The following CSMD2 variants were observed in gnomAD, a reference collection of about 807,000 sequenced individuals.
CSMD2 encodes the protein CUB and sushi domain-containing protein 2.
CSMD2 carries 130 observed loss-of-function variants against 398.5 expected under a neutral mutation model. That is an observed-to-expected ratio of 0.33 (90% CI 0.28 to 0.38). CSMD2 has a LOEUF of 0.38. Ranked by LOEUF, CSMD2 falls within the 10% of genes least tolerant of loss-of-function variation. CSMD2 has a pLI of 1.00. For synonymous variants in CSMD2, 1,828 were observed against 1,908.5 expected (o/e 0.96, Z 1.10); for missense variants, 3,829 against 4,764.9 (o/e 0.80, Z 5.78).
At chr1:34,162,218 C>A in intron 1 of CSMD2, among the ~76,000 whole-genome samples, 1 of 126,876 alleles carries the variant, frequency 7.9e-6, no homozygotes, top group Admixed American at 8.4e-5. Context: ...ATAGGGACAG[C>A]AGGTAATTGG....
At chr1:33,716,573 T>C in intron 19 of CSMD2, 72 bp from the exon 20 acceptor site, 1 of 1,071,680 alleles carries the variant, frequency 9.3e-7, no homozygotes, top group South Asian at 1.4e-5. Context: ...AGACAGGATC[T>C]ACACAAACAT....
intron 8 of CSMD2, 22 bp from the exon 9 acceptor site, chr1:33,819,859 T>C: frequency 1.2e-6 from 2 of 1,613,444 alleles, no homozygotes; most frequent in Non-Finnish European, 1.7e-6. Flanking sequence ...AGTGTGTCTG[T>C]GAGCTCCATC....
intron 2 of CSMD2, among the ~76,000 whole-genome samples, chr1:34,034,101 C>T (rs899077210): frequency 2.0e-5 from 3 of 152,074 alleles, no homozygotes; most frequent in Non-Finnish European, 4.4e-5. Flanking sequence ...ATAATGAAAT[C>T]ATACATATTA....
At chr1:33,578,420 A>G (rs896226836) in intron 48 of CSMD2, among the ~76,000 whole-genome samples, 2 of 152,024 alleles carry the variant, frequency 1.3e-5, no homozygotes, top group African/African-American at 4.8e-5. Context: ...TCTACTAACA[A>G]TATAAAAATT....
At chr1:33,842,541 T>G (rs1051794655) in intron 6 of CSMD2, among the ~76,000 whole-genome samples, 3 of 152,018 alleles carry the variant, frequency 2.0e-5, no homozygotes, top group Non-Finnish European at 1.5e-5. Flanking sequence ...CAGACTTGCC[T>G]CTAGGTTGGC....
At chr1:33,831,767 A>G (rs2125037582) in intron 6 of CSMD2, among the ~76,000 whole-genome samples, 1 of 152,182 alleles carries the variant, frequency 6.6e-6, no homozygotes, top group South Asian at 2.1e-4. Context: ...CAGGAAACCC[A>G]TCTCACGTGC....
At chr1:33,916,630 G>T (rs1643735325) in intron 5 of CSMD2, among the ~76,000 whole-genome samples, 2 of 152,144 alleles carry the variant, frequency 1.3e-5, no homozygotes, top group African/African-American at 2.4e-5. Context: ...AGAAGCTCAT[G>T]GTGACACCAG....
At chr1:33,547,528 C>G in intron 56 of CSMD2, among the ~76,000 whole-genome samples, 1 of 152,226 alleles carries the variant, frequency 6.6e-6, no homozygotes, top group East Asian at 1.9e-4. Flanking sequence ...GTGTACCCCA[C>G]CACTTGCCAT....
At chr1:33,707,674 C>T (rs58663546) in intron 22 of CSMD2, among the ~76,000 whole-genome samples, 20 of 142,304 alleles carry the variant, frequency 1.4e-4, no homozygotes, top group Admixed American at 4.4e-4. Flanking sequence ...CAAACACGCA[C>T]GCGTGCACAC....
chr1:33,994,871 C>T (rs1325111381), intron 3 of CSMD2, among the ~76,000 whole-genome samples: 1 of 152,064 alleles, frequency 6.6e-6, no homozygotes, highest in Non-Finnish European at 1.5e-5. Flanking sequence ...CGATACCAGC[C>T]TGGCCAACAC....
At chr1:33,600,169 C>T in intron 44 of CSMD2, 8 of 716,652 alleles carry the variant, frequency 1.1e-5, no homozygotes, top group Non-Finnish European at 2.1e-5. Flanking sequence ...CAAGGTTTTA[C>T]ACAGCTGGCC....
chr1:33,725,540 C>T lies in CSMD2; in HGVS notation c.2508-4G>A, dbSNP rs779543406. 1.2e-6 allele frequency: 2 copies of T among 1,613,614 alleles called. No homozygotes were observed. Among genetic ancestry groups the T allele is most frequent in the African/African-American group, 1.3e-5 (1 of 75,022 alleles). On this transcript the variant is annotated splice_polypyrimidine_tract_variant and splice_region_variant and intron_variant, in intron 16 of 70. Coordinates refer to ENST00000373381, the MANE Select transcript of CSMD2 (RefSeq NM_001281956.2). ...ATAGTTGACCTCGGTTTTGAATCTG[C>T]CAAATGACAGAAATGAAGCCTTCTT...
chr1:34,034,827 A>G (rs1650916587), intron 2 of CSMD2, among the ~76,000 whole-genome samples: 1 of 152,246 alleles, frequency 6.6e-6, no homozygotes, highest in Non-Finnish European at 1.5e-5. Flanking sequence ...TAATGAGAAA[A>G]GTGCAACCTG....
chr1:33,635,386 C>A lies in CSMD2; in HGVS notation c.4970-56G>T. 1 of 1,070,762 alleles carries A rather than the reference C, an allele frequency of 9.3e-7. No homozygotes were observed. Among genetic ancestry groups the A allele is most frequent in the Non-Finnish European group, 1.4e-6 (1 of 698,872 alleles). The allele number at this position is 1,070,762 out of a possible 1,614,324, so 66.3% of individuals were successfully genotyped here. On this transcript the variant is annotated intron_variant, in intron 30 of 70. Transcript: ENST00000373381. This position sits in a 1 kb window ranked among gnomAD's most constrained non-coding sequence, Gnocchi z 5.0. The stretch of plus-strand genomic sequence containing the variant: ...GACCTTGTGGGCCTCTTACCAGTGA[C>A]CATCCTCTGTTCTGCCCCAGCCTGA...
chr1:33,711,240 C>A (rs1322001436), intron 21 of CSMD2, among the ~76,000 whole-genome samples: 1 of 152,274 alleles, frequency 6.6e-6, no homozygotes, highest in East Asian at 1.9e-4. Context: ...ACACTTATTA[C>A]TCAGTCATAT....
intron 3 of CSMD2, among the ~76,000 whole-genome samples, chr1:33,996,008 C>T (rs1256832415): frequency 6.6e-6 from 1 of 152,100 alleles, no homozygotes; most frequent in Non-Finnish European, 1.5e-5. Context: ...AGAAAATTTG[C>T]ACAATAGACA....
At chr1:34,013,110 C>T (rs1471363802) in intron 3 of CSMD2, among the ~76,000 whole-genome samples, 2 of 152,230 alleles carry the variant, frequency 1.3e-5, no homozygotes, top group African/African-American at 4.8e-5. Flanking sequence ...GACAAAGGCA[C>T]TGAGATGGGA....
chr1:33,757,702 T>C (rs1649237278), intron 13 of CSMD2, among the ~76,000 whole-genome samples: 1 of 152,224 alleles, frequency 6.6e-6, no homozygotes, highest in Non-Finnish European at 1.5e-5. Context: ...ACTCTTTATC[T>C]ATTTTCCTAA....
At chr1:33,567,499 A>ATATATATAT (rs1284357279) in intron 53 of CSMD2, 94 bp downstream of exon 53, 18 of 1,014,128 alleles carry the variant, frequency 1.8e-5, no homozygotes, top group Non-Finnish European at 2.1e-5. Context: ...ATATATATTT[A>ATATATATAT]AAACAAACCT....
Sources: allele counts gnomAD v4.1 joint callset (sites outside exome capture counted in the v4.1 genomes callset), GRCh38; gene constraint gnomAD v4.1.1; non-coding constraint Gnocchi (gnomAD v3.1); transcripts MANE v1.5; gene names NCBI Gene and HGNC (gene_info 2026-07-23, HGNC 2026-07-21).